SRGAP2C: variants seen among roughly 807,000 people sequenced by gnomAD.
SRGAP2C encodes SLIT-ROBO Rho GTPase-activating protein 2C.
A neutral mutation model predicts 25.1 loss-of-function variants in SRGAP2C; 15 were observed. That is an observed-to-expected ratio of 0.60 (90% CI 0.40 to 0.92). SRGAP2C has a LOEUF of 0.92. Among genes scored for constraint, SRGAP2C ranks in the 40% least tolerant of loss-of-function variants. SRGAP2C has a pLI of 0.00. For synonymous variants in SRGAP2C, 44 were observed against 96.6 expected, an observed-to-expected ratio of 0.46 and a Z score of 3.19; for missense variants, 144 against 264.4, an observed-to-expected ratio of 0.54 and a Z score of 3.16.
At chr1:121,261,094 A>AT (rs1211026484) in intron 2 of SRGAP2C, among the ~76,000 whole-genome samples, 2,192 of 25,972 alleles carry the variant, frequency 0.084, 348 homozygotes, top group Non-Finnish European at 0.12. Flanking sequence ...ACACCTGGCT[A>AT]TTTTTTTTTT....
At chr1:121,314,819 C>T (rs1658058082) in intron 3 of SRGAP2C, 1 of 474,670 alleles carries the variant, frequency 2.1e-6, no homozygotes, top group Non-Finnish European at 4.0e-6. Context: ...AGAACCACTG[C>T]TCTCTTCAAA....
chr1:121,236,213 C>A (rs1327771911), intron 2 of SRGAP2C, among the ~76,000 whole-genome samples: 2 of 152,012 alleles, frequency 1.3e-5, no homozygotes, highest in African/African-American at 2.4e-5. Context: ...TCCTTTCCTG[C>A]GATTACAGCC....
intron 2 of SRGAP2C, among the ~76,000 whole-genome samples, chr1:121,198,705 G>T (rs1354587488): frequency 6.6e-6 from 1 of 151,074 alleles, no homozygotes. Flanking sequence ...ATTTTGGTAG[G>T]CGGTGGAGAT....
In SRGAP2C at chr1:121,279,777, A is replaced by C; in HGVS notation, c.68-5026A>C. ...CAGGTCTTTATCTGACATCGTTTGG[A>C]AATGGTGATCTGCCAGTGGAGTTCA... On this transcript the variant is annotated intron_variant, in intron 2 of 9. Transcript: ENST00000367123. 2.1e-5 allele frequency among the ~76,000 whole-genome samples: 3 copies of C among 142,024 alleles called. 1 individual carries two copies. Among genetic ancestry groups the C allele is most frequent in the Middle Eastern group, 7.0e-3 (2 of 286 alleles). 93.2% of individuals were successfully genotyped at this position (142,024 alleles called of 152,430 possible).
intron 2 of SRGAP2C, among the ~76,000 whole-genome samples, chr1:121,188,345 A>T (rs187379347): frequency 1.7e-4 from 26 of 152,310 alleles, no homozygotes; most frequent in African/African-American, 6.3e-4. Context: ...CTTCTCATCT[A>T]GTCGACTGAC....
At chr1:121,191,340 C>G in intron 2 of SRGAP2C, among the ~76,000 whole-genome samples, 1 of 151,588 alleles carries the variant, frequency 6.6e-6, no homozygotes, top group South Asian at 2.1e-4. Flanking sequence ...CTTATAATAC[C>G]TAATACAGTG....
At chr1:121,361,589 C>G (rs1478661130) in intron 4 of SRGAP2C, 1 of 140,560 alleles carries the variant, frequency 7.1e-6, no homozygotes. Context: ...CTGTTGCAAT[C>G]TCATTGTCTT....
At chr1:121,198,574 G>T (rs1485072416) in intron 2 of SRGAP2C, among the ~76,000 whole-genome samples, 2 of 129,428 alleles carry the variant, frequency 1.5e-5, no homozygotes, top group Non-Finnish European at 3.2e-5. Flanking sequence ...CATGCCATAA[G>T]CTTTAAGAAA....
intron 4 of SRGAP2C, among the ~76,000 whole-genome samples, chr1:121,346,783 G>A (rs1658755474): frequency 6.6e-6 from 1 of 151,772 alleles, no homozygotes; most frequent in South Asian, 2.1e-4. Context: ...GGCAGATGAT[G>A]GAAGGAATAG....
intron 2 of SRGAP2C, among the ~76,000 whole-genome samples, chr1:121,284,174 G>C (rs1243670516): frequency 2.0e-5 from 3 of 152,056 alleles, no homozygotes; most frequent in South Asian, 4.2e-4. Context: ...AGAAGTTCTT[G>C]TGCTTCTTTT....
At chr1:121,210,020 T>C in intron 2 of SRGAP2C, among the ~76,000 whole-genome samples, 1 of 151,186 alleles carries the variant, frequency 6.6e-6, no homozygotes. Flanking sequence ...TGTTTAACAG[T>C]GTTGGGTTCA....
intron 4 of SRGAP2C, among the ~76,000 whole-genome samples, chr1:121,338,867 C>T (rs1553342768): frequency 7.0e-6 from 1 of 141,920 alleles, no homozygotes; most frequent in Non-Finnish European, 1.5e-5. Flanking sequence ...AACCCTTCAG[C>T]TTAGGGTTTT....
intron 3 of SRGAP2C, among the ~76,000 whole-genome samples, chr1:121,316,893 A>C (rs1456179574): frequency 6.6e-6 from 1 of 150,960 alleles, no homozygotes; most frequent in South Asian, 2.1e-4. Flanking sequence ...GAGGGTTTAA[A>C]AGCCTCTTTA....
At chr1:121,266,477 C>G (rs1421483502) in intron 2 of SRGAP2C, among the ~76,000 whole-genome samples, 6 of 151,786 alleles carry the variant, frequency 4.0e-5, no homozygotes, top group Non-Finnish European at 8.8e-5. Flanking sequence ...ATCTGAGGCT[C>G]TAAACTGCCC....
At chr1:121,288,929 C>T (rs1657430934) in intron 3 of SRGAP2C, among the ~76,000 whole-genome samples, 1 of 100,634 alleles carries the variant, frequency 9.9e-6, no homozygotes, top group Non-Finnish European at 2.0e-5. Flanking sequence ...TCGATTGGTG[C>T]ACTCACAAAC....
intron 2 of SRGAP2C, among the ~76,000 whole-genome samples, chr1:121,282,562 G>A (rs1477908247): frequency 1.3e-5 from 2 of 151,274 alleles, no homozygotes; most frequent in African/African-American, 4.9e-5. Context: ...TCTTTTTTTT[G>A]TTGTTTGTTT....
At chr1:121,192,104 A>G (rs587757546) in intron 2 of SRGAP2C, among the ~76,000 whole-genome samples, 5 of 151,976 alleles carry the variant, frequency 3.3e-5, no homozygotes, top group African/African-American at 1.2e-4. Context: ...ATACTTGGGA[A>G]TGTTGATGGC....
intron 2 of SRGAP2C, among the ~76,000 whole-genome samples, chr1:121,274,999 C>T (rs1337097460): frequency 6.6e-6 from 1 of 151,424 alleles, no homozygotes. Context: ...GCTTTGCTAA[C>T]TACAGCCCTT....
At chr1:121,370,975 T>C (rs1426938954) in intron 5 of SRGAP2C, among the ~76,000 whole-genome samples, 1 of 151,668 alleles carries the variant, frequency 6.6e-6, no homozygotes, top group Non-Finnish European at 1.5e-5. Context: ...TTTAGAACCT[T>C]TTTTTTCCTA....
Sources: gnomAD v4.1 joint callset for allele counts (sites outside exome capture counted in the v4.1 genomes callset) on GRCh38, gnomAD v4.1.1 for gene constraint, MANE v1.5 for transcripts, NCBI Gene and HGNC (gene_info 2026-07-23, HGNC 2026-07-21) for gene names.